EDA: variants seen among roughly 807,000 people sequenced by gnomAD.
The protein encoded by EDA is ectodysplasin-A.
Under a neutral mutation model 23.6 loss-of-function variants are expected in EDA, and 2 were observed. The observed-to-expected ratio is 0.08, with a 90% CI of 0.03 to 0.27. The LOEUF is 0.27. Among genes scored for constraint, EDA ranks in the 10% least tolerant of loss-of-function variants. EDA has a pLI of 1.00. For missense variants in EDA, 229 were observed against 324.2 expected (o/e 0.71, Z 2.26); for synonymous variants, 131 against 132.0 (o/e 0.99, Z 0.05).
chrX:69,782,366 TAAAAA>T (rs751293381), intron 1 of EDA, among the ~76,000 whole-genome samples: 8 of 65,452 alleles, frequency 1.2e-4, no homozygotes, highest in East Asian at 6.6e-4. Flanking sequence ...TAAATGCTCT[TAAAAA>T]AAAAAAAAAA....
intron 1 of EDA, among the ~76,000 whole-genome samples, chrX:69,925,553 C>T (rs920628727): frequency 9.0e-6 from 1 of 111,080 alleles, no homozygotes; most frequent in Non-Finnish European, 1.9e-5. Flanking sequence ...TTCAGTTTGC[C>T]AGTGTTTTTA....
chrX:69,720,408 A>T (rs1050937008), intron 1 of EDA, among the ~76,000 whole-genome samples: 7 of 111,968 alleles, frequency 6.3e-5, no homozygotes, highest in Non-Finnish European at 1.1e-4. Flanking sequence ...TGTATCTTTT[A>T]CCAAATTTTG....
intron 2 of EDA, among the ~76,000 whole-genome samples, chrX:69,969,469 T>C (rs756010476): frequency 1.8e-5 from 2 of 112,270 alleles, no homozygotes; most frequent in African/African-American, 6.5e-5. Context: ...GATCAGATTA[T>C]AAAGTATGAA....
At chrX:69,809,248 G>A (rs1280612170) in intron 1 of EDA, among the ~76,000 whole-genome samples, 2 of 111,432 alleles carry the variant, frequency 1.8e-5, no homozygotes, top group East Asian at 2.8e-4. Flanking sequence ...TTTAATTGAC[G>A]CACAGTTCCA....
intron 1 of EDA, among the ~76,000 whole-genome samples, chrX:69,926,450 C>T (rs1273231582): frequency 9.0e-6 from 1 of 111,687 alleles, no homozygotes; most frequent in Non-Finnish European, 1.9e-5. Context: ...GTTCAATTTC[C>T]ATGTAATTGT....
intron 1 of EDA, among the ~76,000 whole-genome samples, chrX:69,740,149 G>A (rs928905376): frequency 7.2e-5 from 8 of 110,413 alleles, no homozygotes; most frequent in Admixed American, 9.6e-5. Context: ...CTATTGTTTT[G>A]TATAATTAAA....
At chrX:69,846,018 G>A in intron 1 of EDA, among the ~76,000 whole-genome samples, 1 of 112,052 alleles carries the variant, frequency 8.9e-6, no homozygotes, top group East Asian at 2.8e-4. Context: ...CTGAATTTCT[G>A]ACTCCAGCAA....
chrX:69,828,214 G>A (rs1194351273), intron 1 of EDA, among the ~76,000 whole-genome samples: 1 of 112,325 alleles, frequency 8.9e-6, no homozygotes, highest in Non-Finnish European at 1.9e-5. Context: ...TCCTTGAGCT[G>A]TGGTGGGCTC....
At chrX:69,755,855 C>T (rs1569320295) in intron 1 of EDA, among the ~76,000 whole-genome samples, 2 of 112,748 alleles carry the variant, frequency 1.8e-5, no homozygotes, top group Non-Finnish European at 3.8e-5. Context: ...GCATGGGACC[C>T]TCCGAGCCAG....
At chrX:69,682,491 A>T (rs983060022) in intron 1 of EDA, among the ~76,000 whole-genome samples, 18 of 111,226 alleles carry the variant, frequency 1.6e-4, no homozygotes, top group African/African-American at 5.6e-4. Flanking sequence ...GACGTAGGAC[A>T]CTCCAAGCCA....
intron 2 of EDA, among the ~76,000 whole-genome samples, chrX:69,972,666 G>A (rs2019264046): frequency 9.0e-6 from 1 of 111,381 alleles, no homozygotes; most frequent in African/African-American, 3.3e-5. Flanking sequence ...TGATCTCTCA[G>A]CCTCAGTTCC....
intron 1 of EDA, among the ~76,000 whole-genome samples, chrX:69,694,382 C>T (rs2011264771): frequency 8.9e-6 from 1 of 112,119 alleles, no homozygotes; most frequent in Non-Finnish European, 1.9e-5. Flanking sequence ...TCTGCCAAAG[C>T]ATTTCCTTAG....
rs1189179243 is a variant in EDA, at chrX:69,764,234, C to CTTTTTTT, written c.396+147550_396+147556dup. On this transcript the variant is annotated intron_variant, in intron 1 of 7. Transcript: ENST00000374552. ...CTACCACTCCCATTCATTTTTTATT[C>CTTTTTTT]TTTTTTTTTTTTTTTTTTTTTTTTT... Among the ~76,000 whole-genome samples the CTTTTTTT allele has an allele frequency of 2.0e-4, 9 of 44,545 alleles. 1 individual carries two copies. The highest frequency in any genetic ancestry group is 4.9e-4 in the African/African-American group (5 of 10,147). The allele number at this position is 44,545 out of a possible 115,157, so 38.7% of individuals were successfully genotyped here.
At chrX:69,763,968 A>G (rs1358300740) in intron 1 of EDA, among the ~76,000 whole-genome samples, 1 of 111,177 alleles carries the variant, frequency 9.0e-6, no homozygotes, top group Non-Finnish European at 1.9e-5. Context: ...TGGGGAGACT[A>G]TGCTATAATA....
intron 1 of EDA, among the ~76,000 whole-genome samples, chrX:69,745,159 A>G (rs188072081): frequency 9.0e-6 from 1 of 111,526 alleles, no homozygotes; most frequent in African/African-American, 3.3e-5. Flanking sequence ...TTCACATACT[A>G]ATTAACATAT....
intron 1 of EDA, among the ~76,000 whole-genome samples, chrX:69,851,157 T>TTGTG (rs57593985): frequency 0.18 from 18,612 of 101,692 alleles, 1,438 homozygotes; most frequent in Non-Finnish European, 0.24. Flanking sequence ...GATCAAGGGT[T>TTGTG]TGTGTGTGTG....
At chrX:69,939,109 A>T (rs1377758145) in intron 1 of EDA, among the ~76,000 whole-genome samples, 1 of 111,188 alleles carries the variant, frequency 9.0e-6, no homozygotes, top group Non-Finnish European at 1.9e-5. Flanking sequence ...ACATTTTAGA[A>T]TTTTTTTTAT....
chrX:69,807,001 A>C (rs1336654927), intron 1 of EDA, among the ~76,000 whole-genome samples: 3 of 111,384 alleles, frequency 2.7e-5, no homozygotes, highest in Admixed American at 9.6e-5. Context: ...TATGAAAAAG[A>C]AATGACTCGA....
At chrX:69,641,522 A>G (rs1602243713) in intron 1 of EDA, among the ~76,000 whole-genome samples, 1 of 112,065 alleles carries the variant, frequency 8.9e-6, no homozygotes, top group East Asian at 2.8e-4. Flanking sequence ...AAATAATGTA[A>G]TTCTTGTGCT....
Sources: allele counts gnomAD v4.1 joint callset (sites outside exome capture counted in the v4.1 genomes callset), GRCh38; gene constraint gnomAD v4.1.1; transcripts MANE v1.5; gene names NCBI Gene and HGNC (gene_info 2026-07-23, HGNC 2026-07-21).